The following PCDHA7 variants were observed in gnomAD, a reference collection of about 807,000 sequenced individuals.
PCDHA7 encodes the protein protocadherin alpha 7.
Under a neutral mutation model 57.2 loss-of-function variants are expected in PCDHA7, and 37 were observed. The observed-to-expected ratio is 0.65, with a 90% CI of 0.50 to 0.85. The LOEUF is 0.85. Among genes scored for constraint, PCDHA7 ranks in the 40% least tolerant of loss-of-function variants. The pLI is 0.00. For synonymous variants in PCDHA7, 553 were observed against 558.8 expected (o/e 0.99, Z 0.15); for missense variants, 1,188 against 1,241.8 (o/e 0.96, Z 0.65).
chr5:140,856,877 A>G, intron 1 of PCDHA7: 1 of 1,595,914 alleles, frequency 6.3e-7, no homozygotes, highest in Non-Finnish European at 8.6e-7. Flanking sequence ...CAAGGAAATG[A>G]TGTATTCATT....
chr5:140,836,592 C>T lies in PCDHA7; in HGVS notation c.2209C>T (p.Pro737Ser), dbSNP rs1554136107. ...TGAGGGCGCATGTAGTTTGGTAAAG[C>T]CCACTCTGGTGTGCTCCAGCGCGGT... Reference protein sequence around the residue: ...SSEGACSLVKPTLVCSSAVGS... With the variant: ...SSEGACSLVKSTLVCSSAVGS... Residue 737 changes from proline (P) to serine (S), a missense_variant, in exon 1 of 4, where the codon CCC becomes TCC. Pro to Ser is a moderately conservative substitution (Grantham distance 74). Coordinates refer to ENST00000525929, the MANE Select transcript of PCDHA7 (RefSeq NM_018910.3). 2.5e-6 allele frequency: 4 copies of T among 1,613,726 alleles called. No homozygotes were observed. Among genetic ancestry groups the T allele is most frequent in the Non-Finnish European group, 3.4e-6 (4 of 1,179,824 alleles).
At chr5:140,873,064 T>A (rs1554166548) in intron 1 of PCDHA7, among the ~76,000 whole-genome samples, 1 of 152,186 alleles carries the variant, frequency 6.6e-6, no homozygotes, top group Non-Finnish European at 1.5e-5. Context: ...TTCTTGAGAA[T>A]CATATCTAGC....
Position 140,843,241 on chromosome 5 carries a change from G to A in PCDHA7, c.2355+6503G>A, listed in dbSNP as rs2150355764. ...GCACCACTCGTGTCCTGGACGAAGC[G>A]GACTCTCCGCGCCACCGTCTGCTGG... On this transcript the variant is annotated intron_variant, in intron 1 of 3. Transcript: ENST00000525929. 3.1e-6 allele frequency: 5 copies of A among 1,595,826 alleles called. 1 individual carries two copies. The highest frequency in any genetic ancestry group is 2.7e-5 in the African/African-American group (2 of 74,416).
chr5:140,838,077 AGTGTGTGTGT>A (rs57130401), intron 1 of PCDHA7, among the ~76,000 whole-genome samples: 3,081 of 80,626 alleles, frequency 0.038, 55 homozygotes, highest in African/African-American at 0.095. Context: ...ATATATATAT[AGTGTGTGTGT>A]GTGTGTGTGT....
intron 1 of PCDHA7, chr5:140,849,752 C>G (rs2041099569): frequency 3.1e-6 from 5 of 1,598,274 alleles, no homozygotes; most frequent in Admixed American, 3.4e-5. Context: ...AGAGTGTGTC[C>G]GCCTACGAGC....
At chr5:140,888,210 T>TTG (rs1325850915) in intron 1 of PCDHA7, among the ~76,000 whole-genome samples, 2 of 152,080 alleles carry the variant, frequency 1.3e-5, no homozygotes, top group Admixed American at 1.3e-4. Context: ...ATGCTGGATT[T>TTG]TGTGTGTGTG....
At chr5:140,979,912 G>C (rs1554241237) in intron 2 of PCDHA7, among the ~76,000 whole-genome samples, 2 of 152,248 alleles carry the variant, frequency 1.3e-5, no homozygotes, top group South Asian at 2.1e-4. Flanking sequence ...AGTTCGTAAA[G>C]AGAAAGCCTA....
At chr5:140,943,019 G>A (rs1554215345) in intron 1 of PCDHA7, among the ~76,000 whole-genome samples, 1 of 152,068 alleles carries the variant, frequency 6.6e-6, no homozygotes, top group Non-Finnish European at 1.5e-5. Flanking sequence ...CACTTTGGGA[G>A]GCTGAGGTGG....
chr5:140,868,937 C>T (rs2050742656), intron 1 of PCDHA7: 1 of 1,209,168 alleles, frequency 8.3e-7, no homozygotes, highest in East Asian at 2.5e-5. Flanking sequence ...AAAGGTTGGT[C>T]TGAACAGTGA....
At chr5:140,954,618 G>C (rs1312581802) in intron 1 of PCDHA7, among the ~76,000 whole-genome samples, 3 of 152,078 alleles carry the variant, frequency 2.0e-5, no homozygotes, top group Non-Finnish European at 2.9e-5. Flanking sequence ...TAATGGGCTT[G>C]TTTGGGTTTT....
At chr5:140,893,657 A>T (rs1046030357) in intron 1 of PCDHA7, among the ~76,000 whole-genome samples, 19 of 152,126 alleles carry the variant, frequency 1.2e-4, no homozygotes, top group Non-Finnish European at 2.2e-4. Context: ...TGATAGTTTT[A>T]AAAAATTTCA....
At chr5:140,940,809 C>G (rs1308338406) in intron 1 of PCDHA7, among the ~76,000 whole-genome samples, 1 of 152,118 alleles carries the variant, frequency 6.6e-6, no homozygotes, top group Admixed American at 6.5e-5. Flanking sequence ...GCCAGGATAT[C>G]CTGAGATCTT....
At chr5:140,919,404 T>C (rs1554199054) in intron 1 of PCDHA7, among the ~76,000 whole-genome samples, 1 of 152,218 alleles carries the variant, frequency 6.6e-6, no homozygotes, top group African/African-American at 2.4e-5. Context: ...TCCTAAAAAC[T>C]CTAGACTGAC....
At chr5:140,958,946 ATAT>A (rs34256413) in intron 1 of PCDHA7, among the ~76,000 whole-genome samples, 85,222 of 151,486 alleles carry the variant, frequency 0.56, 24,557 homozygotes, top group African/African-American at 0.69. Flanking sequence ...TAATAATATT[ATAT>A]TATTATAATT....
chr5:140,949,521 T>C (rs2094388357), intron 1 of PCDHA7, among the ~76,000 whole-genome samples: 1 of 151,932 alleles, frequency 6.6e-6, no homozygotes, highest in East Asian at 1.9e-4. Flanking sequence ...TTGATCCTTT[T>C]ATCTTCATAA....
chr5:140,892,144 G>T (rs549500463), intron 1 of PCDHA7, among the ~76,000 whole-genome samples: 1 of 152,102 alleles, frequency 6.6e-6, no homozygotes, highest in Non-Finnish European at 1.5e-5. Context: ...TGGTTTTAGC[G>T]TCTATTTCTG....
At chr5:140,877,593 G>A in intron 1 of PCDHA7, 2 of 1,613,854 alleles carry the variant, frequency 1.2e-6, no homozygotes, top group Non-Finnish European at 1.7e-6. Context: ...TCTGTGCGGT[G>A]TCCAGCCTGC....
chr5:140,884,352 A>C, intron 1 of PCDHA7: 1 of 1,613,828 alleles, frequency 6.2e-7, no homozygotes, highest in African/African-American at 1.3e-5. Context: ...GCGCTGGTGG[A>C]TGTCAATGTT....
chr5:140,925,330 A>G (rs1459062876), intron 1 of PCDHA7, among the ~76,000 whole-genome samples: 2 of 152,132 alleles, frequency 1.3e-5, no homozygotes, highest in African/African-American at 4.8e-5. Context: ...CCTGTATTAA[A>G]AGAAGGATTT....
Sources: allele counts gnomAD v4.1 joint callset (sites outside exome capture counted in the v4.1 genomes callset), GRCh38; gene constraint gnomAD v4.1.1; transcripts MANE v1.5; gene names NCBI Gene and HGNC (gene_info 2026-07-23, HGNC 2026-07-21).